DOCK8: variants seen among roughly 807,000 people sequenced by gnomAD.
The protein encoded by DOCK8 is dedicator of cytokinesis 8.
DOCK8 carries 141 observed loss-of-function variants against 245.6 expected under a neutral mutation model. The observed-to-expected ratio is 0.57, with a 90% CI of 0.50 to 0.66. DOCK8 has a LOEUF of 0.66. Among genes scored for constraint, DOCK8 ranks in the 30% least tolerant of loss-of-function variants. DOCK8 has a pLI of 0.00. For missense variants in DOCK8, 2,965 were observed against 2,603.4 expected, an observed-to-expected ratio of 1.14 and a Z score of -3.02; for synonymous variants, 1,168 against 970.2, an observed-to-expected ratio of 1.20 and a Z score of -3.79.
intron 4 of DOCK8, among the ~76,000 whole-genome samples, chr9:300,743 T>C (rs2049506030): frequency 6.6e-6 from 1 of 152,014 alleles, no homozygotes; most frequent in African/African-American, 2.4e-5. Context: ...CTAGAAAACG[T>C]AGAAGAAATG....
intron 14 of DOCK8, among the ~76,000 whole-genome samples, chr9:348,919 C>G (rs78890099): frequency 6.6e-6 from 1 of 152,296 alleles, no homozygotes; most frequent in African/African-American, 2.4e-5. Flanking sequence ...ATCCACCTTT[C>G]ACTGAGAGTG....
intron 28 of DOCK8, among the ~76,000 whole-genome samples, chr9:412,591 A>G (rs972677810): frequency 6.6e-6 from 1 of 152,172 alleles, no homozygotes; most frequent in African/African-American, 2.4e-5. Flanking sequence ...TCAACATACA[A>G]GAATCAATTG....
At chr9:258,732 G>C (rs1360711548) in intron 1 of DOCK8, among the ~76,000 whole-genome samples, 1 of 151,392 alleles carries the variant, frequency 6.6e-6, no homozygotes, top group African/African-American at 2.4e-5. Context: ...CGAGTATCTG[G>C]GATTACAGAC....
chr9:430,405 GGT>G (rs1260836323), intron 36 of DOCK8, among the ~76,000 whole-genome samples: 1 of 151,788 alleles, frequency 6.6e-6, no homozygotes, highest in Non-Finnish European at 1.5e-5. Context: ...AAAATAACCA[GGT>G]GCAGTGGCTC....
intron 1 of DOCK8, among the ~76,000 whole-genome samples, chr9:262,953 T>C (rs2047952729): frequency 6.6e-6 from 1 of 152,228 alleles, no homozygotes; most frequent in African/African-American, 2.4e-5. Context: ...CCGCCTGTAA[T>C]CCCAGCACTT....
At chr9:407,908 G>A (rs895853240) in intron 28 of DOCK8, among the ~76,000 whole-genome samples, 2 of 152,166 alleles carry the variant, frequency 1.3e-5, no homozygotes, top group African/African-American at 4.8e-5. Flanking sequence ...GGATTGCAAA[G>A]TAGTTGAGAT....
chr9:375,207 A>C (rs1217588690), intron 18 of DOCK8, among the ~76,000 whole-genome samples: 1 of 152,184 alleles, frequency 6.6e-6, no homozygotes, highest in Non-Finnish European at 1.5e-5. Context: ...AAAGGTCTCC[A>C]TCCCCTGTAC....
At chr9:441,533 T>C in intron 41 of DOCK8, 116 bp downstream of exon 41, 1 of 1,487,792 alleles carries the variant, frequency 6.7e-7, no homozygotes, top group Non-Finnish European at 9.2e-7. Flanking sequence ...ACATTGCTTT[T>C]GCTCTCACCT....
intron 14 of DOCK8, among the ~76,000 whole-genome samples, chr9:352,693 G>C (rs1032653573): frequency 6.8e-6 from 1 of 147,960 alleles, no homozygotes; most frequent in African/African-American, 2.6e-5. Context: ...AGTGAGCCAA[G>C]ATCGCGCCAC....
chr9:285,032 A>G (rs1369222002), intron 2 of DOCK8, among the ~76,000 whole-genome samples: 1 of 152,128 alleles, frequency 6.6e-6, no homozygotes, highest in Admixed American at 6.5e-5. Flanking sequence ...TTGTACAACA[A>G]ACCCCCATGA....
At chr9:293,796 G>A (rs1386589947) in intron 4 of DOCK8, among the ~76,000 whole-genome samples, 1 of 152,218 alleles carries the variant, frequency 6.6e-6, no homozygotes, top group Admixed American at 6.5e-5. Context: ...TGCAATAGGG[G>A]TTGCTGGCCA....
intron 26 of DOCK8, among the ~76,000 whole-genome samples, chr9:401,855 G>A (rs990250134): frequency 1.6e-4 from 24 of 152,148 alleles, no homozygotes; most frequent in African/African-American, 5.8e-4. Flanking sequence ...TGATAAGGAA[G>A]CAGAATAATA....
At chr9:215,517 C>G in intron 1 of DOCK8, 1 of 1,334,580 alleles carries the variant, frequency 7.5e-7, no homozygotes, top group Admixed American at 3.6e-5. Context: ...GCTCCGTCCT[C>G]GCCTGCTTCA....
rs138256067 is a variant in DOCK8, at chr9:339,720, T to G, written c.1517-439T>G. On this transcript the variant is annotated intron_variant, in intron 13 of 47. Transcript: ENST00000432829. Reference sequence around the variant, plus strand: ...TAGTAGAGACAGGGTTTCACCATGTTGGCCAGGATTGTCTCGATCTCTTGA... The same window carrying G: ...TAGTAGAGACAGGGTTTCACCATGTGGGCCAGGATTGTCTCGATCTCTTGA... 6.3e-3 allele frequency among the ~76,000 whole-genome samples: 954 copies of G among 152,328 alleles called. 2 individuals carry two copies. Among genetic ancestry groups the G allele is most frequent in the Non-Finnish European group, 0.011 (734 of 68,034 alleles).
chr9:366,582 A>G (rs530764534), intron 14 of DOCK8: 21 of 152,300 alleles, frequency 1.4e-4, no homozygotes, highest in African/African-American at 5.1e-4. Flanking sequence ...TCCCCAAATA[A>G]TTTCTCAGAA....
In DOCK8 at chr9:451,995, T is replaced by A. The variant is rs1279504971; in HGVS notation, c.5962-16T>A. 7.0e-6 allele frequency: 4 copies of A among 574,282 alleles called. No individual in the cohort carries two copies. Among genetic ancestry groups the A allele is most frequent in the South Asian group, 2.5e-5 (1 of 39,780 alleles). The allele number at this position is 574,282 out of a possible 1,614,324, so 35.6% of individuals were successfully genotyped here. A position where few individuals can be genotyped will look rare whatever the true frequency, so the allele number is the denominator to read the frequency against. Reference sequence around the variant, plus strand: ...TATATATATTTTTTTTTTTTTTTTTTTTTTTTTCCCACCAGGGACCACTGG... The same window carrying A: ...TATATATATTTTTTTTTTTTTTTTTATTTTTTTCCCACCAGGGACCACTGG... On this transcript the variant is annotated splice_polypyrimidine_tract_variant and intron_variant, in intron 45 of 47. Coordinates refer to ENST00000432829, the MANE Select transcript of DOCK8 (RefSeq NM_203447.4).
chr9:377,952 A>G (rs1015155892), intron 20 of DOCK8, among the ~76,000 whole-genome samples: 2 of 152,202 alleles, frequency 1.3e-5, no homozygotes, highest in Non-Finnish European at 2.9e-5. Flanking sequence ...GGTATAGGGC[A>G]TCTTTATTTG....
At chr9:383,074 T>G (rs2053791494) in intron 22 of DOCK8, among the ~76,000 whole-genome samples, 1 of 36,172 alleles carries the variant, frequency 2.8e-5, no homozygotes, top group Admixed American at 3.8e-4. Flanking sequence ...TTACGTTCAT[T>G]AACATCCACA....
At chr9:436,707 G>C (rs956919) in intron 39 of DOCK8, among the ~76,000 whole-genome samples, 2 of 151,766 alleles carry the variant, frequency 1.3e-5, no homozygotes, top group Non-Finnish European at 2.9e-5. Flanking sequence ...ACATTATTCC[G>C]ACATGGGGGC....
Sources: gnomAD v4.1 joint callset for allele counts (sites outside exome capture counted in the v4.1 genomes callset) on GRCh38, gnomAD v4.1.1 for gene constraint, MANE v1.5 for transcripts, NCBI Gene and HGNC (gene_info 2026-07-23, HGNC 2026-07-21) for gene names.